Variants in PGPEP1L observed in about 807,000 individuals in gnomAD.
PGPEP1L encodes pyroglutamyl-peptidase I like.
In PGPEP1L, 7 loss-of-function variants were observed where a neutral mutation model predicts 6.0. The ratio of observed to expected loss-of-function variants is 1.17; its 90% confidence interval spans 0.66 to 2.19. PGPEP1L has a LOEUF of 2.19. PGPEP1L is among the 30% of genes most tolerant of loss of function. PGPEP1L has a pLI of 0.00. For missense variants in PGPEP1L, 209 were observed against 192.5 expected, an observed-to-expected ratio of 1.09 and a Z score of -0.51; for synonymous variants, 103 against 83.9, an observed-to-expected ratio of 1.23 and a Z score of -1.24.
At chr15:98,976,040 A>G (rs1231779429) in intron 2 of PGPEP1L, among the ~76,000 whole-genome samples, 1 of 152,226 alleles carries the variant, frequency 6.6e-6, no homozygotes, top group African/African-American at 2.4e-5. Flanking sequence ...GAGAAAGAAC[A>G]TACAGTGATT....
At chr15:98,979,181 G>C (rs2017618947) in intron 2 of PGPEP1L, among the ~76,000 whole-genome samples, 1 of 152,098 alleles carries the variant, frequency 6.6e-6, no homozygotes, top group African/African-American at 2.4e-5. Flanking sequence ...GGAAGGATGT[G>C]ATGGATTTCA....
chr15:98,971,194 TGGGGGGGGGG>T, intron 2 of PGPEP1L, 36 bp from the exon 3 acceptor site: 18 of 585,978 alleles, frequency 3.1e-5, no homozygotes, highest in Non-Finnish European at 4.4e-5. Context: ...CCTCAGTTGA[TGGGGGGGGGG>T]GGGGGGTGGG....
intron 2 of PGPEP1L, among the ~76,000 whole-genome samples, chr15:98,979,679 C>T (rs2151757781): frequency 8.9e-6 from 1 of 112,476 alleles, no homozygotes; most frequent in South Asian, 3.0e-4. Context: ...GAGACAGAGT[C>T]TCACTCTGTC....
At chr15:98,981,289 C>T (rs192606135) in intron 2 of PGPEP1L, among the ~76,000 whole-genome samples, 21 of 151,968 alleles carry the variant, frequency 1.4e-4, no homozygotes, top group African/African-American at 4.8e-4. Flanking sequence ...TCAGGAGATC[C>T]AGACCATCCT....
chr15:98,978,727 T>TATA (rs1555470851), intron 2 of PGPEP1L, among the ~76,000 whole-genome samples: 365 of 24,976 alleles, frequency 0.015, no homozygotes, highest in South Asian at 0.057. Flanking sequence ...TATATATATA[T>TATA]TTTTTTTTTT....
chr15:98,985,636 G>T (rs910479544), intron 2 of PGPEP1L, among the ~76,000 whole-genome samples: 1 of 152,208 alleles, frequency 6.6e-6, no homozygotes, highest in Non-Finnish European at 1.5e-5. Flanking sequence ...GGAGAAGAGC[G>T]CAAGTGGGCT....
chr15:99,001,023 AC>A (rs2017959988), intron 2 of PGPEP1L, among the ~76,000 whole-genome samples: 1 of 152,122 alleles, frequency 6.6e-6, no homozygotes, highest in Non-Finnish European at 1.5e-5. Context: ...TGAACTCCAG[AC>A]ACGCTGCCTT....
intron 2 of PGPEP1L, among the ~76,000 whole-genome samples, chr15:98,991,149 C>T (rs374597296): frequency 6.8e-6 from 1 of 147,500 alleles, no homozygotes; most frequent in African/African-American, 2.5e-5. Context: ...AAAAACCCTT[C>T]AAAAAAAAAA....
chr15:98,982,790 A>T (rs2017686405), intron 2 of PGPEP1L, among the ~76,000 whole-genome samples: 1 of 132,356 alleles, frequency 7.6e-6, no homozygotes, highest in Admixed American at 9.5e-5. Flanking sequence ...GGCTCACTGC[A>T]ACCTCCGCCT....
chr15:98,974,996 T>C (rs1280426214), intron 2 of PGPEP1L, among the ~76,000 whole-genome samples: 1 of 152,246 alleles, frequency 6.6e-6, no homozygotes, highest in East Asian at 1.9e-4. Context: ...GAAATCAGTA[T>C]ATCAGAAAGA....
At position 99,001,436 on chromosome 15, in the gene PGPEP1L, G is replaced by T. The variant is rs141547588; in HGVS notation, c.-142+3993C>A. ...GGGACGTGAGTGGTGAAAGCTAAGGGGTGTGGGGTTTCTTTCTGGGGTGCT... is the reference window on the plus strand; with the variant it reads ...GGGACGTGAGTGGTGAAAGCTAAGGTGTGTGGGGTTTCTTTCTGGGGTGCT... On this transcript the variant is annotated intron_variant, in intron 2 of 4. Coordinates refer to ENST00000535714, the MANE Select transcript of PGPEP1L (RefSeq NM_001167902.2). 1.1e-3 allele frequency among the ~76,000 whole-genome samples: 161 copies of T among 152,240 alleles called. 1 individual carries two copies. The highest frequency in any genetic ancestry group is 1.4e-3 in the Admixed American group (21 of 15,288).
At chr15:98,979,674 A>G (rs1181071058) in intron 2 of PGPEP1L, among the ~76,000 whole-genome samples, 22 of 110,036 alleles carry the variant, frequency 2.0e-4, no homozygotes, top group African/African-American at 6.6e-4. Flanking sequence ...TTTTGGAGAC[A>G]GAGTCTCACT....
chr15:99,002,041 T>G (rs911545666), intron 2 of PGPEP1L, among the ~76,000 whole-genome samples: 22 of 152,244 alleles, frequency 1.4e-4, no homozygotes, highest in African/African-American at 5.3e-4. Context: ...AGACAGGATC[T>G]CACTCTGTCA....
Position 98,968,581 on chromosome 15 carries a change from A to G in PGPEP1L, c.326T>C (p.Leu109Ser). 6.2e-7 allele frequency: 1 copy of G among 1,611,966 alleles called. No individual in the cohort carries two copies. The highest frequency in any genetic ancestry group is 8.5e-7 in the Non-Finnish European group (1 of 1,179,188). The change falls in exon 5 of 5, where the codon TTG (leucine) becomes TCG (serine). Residue 109 changes from leucine to serine, a missense_variant. Leu to Ser is a moderately radical substitution (Grantham distance 145). Transcript: ENST00000535714. ...CAGCATTTCCTGGATGATGACTCTC[A>G]AGGCTCTTCCCAGCAGGCTGGCCGG... The part of the protein sequence containing the change: ...GLPASLLGRA[L>S]RVIIQEMLEE...
chr15:98,976,359 G>A (rs2017569684), intron 2 of PGPEP1L, among the ~76,000 whole-genome samples: 1 of 152,126 alleles, frequency 6.6e-6, no homozygotes, highest in Non-Finnish European at 1.5e-5. Context: ...TTTAGCTCAG[G>A]CTAACATCCC....
At chr15:98,985,879 G>A (rs2017740187) in intron 2 of PGPEP1L, among the ~76,000 whole-genome samples, 1 of 152,228 alleles carries the variant, frequency 6.6e-6, no homozygotes, top group South Asian at 2.1e-4. Flanking sequence ...AGCCTTCATT[G>A]CTGCTTCCAC....
At chr15:98,977,119 CTTTTA>C (rs927059967) in intron 2 of PGPEP1L, among the ~76,000 whole-genome samples, 3 of 151,040 alleles carry the variant, frequency 2.0e-5, no homozygotes, top group African/African-American at 4.9e-5. Context: ...TAGAAATGGT[CTTTTA>C]TTTTTTTTCT....
rs2017433217 is a variant in PGPEP1L at position 98,968,347 on chromosome 15, T to C, written c.*131A>G. On this transcript the variant is annotated 3_prime_UTR_variant, in exon 5 of 5. Coordinates refer to ENST00000535714, the MANE Select transcript of PGPEP1L (RefSeq NM_001167902.2). ...ACAATAAAATAACCCTTTGTGATTTTGTTGGGCTAATTCAGAGTTTTCCAC... is the reference window on the plus strand; with the variant it reads ...ACAATAAAATAACCCTTTGTGATTTCGTTGGGCTAATTCAGAGTTTTCCAC... 1.2e-6 allele frequency: 1 copy of C among 866,148 alleles called. No individual in the cohort carries two copies. Among genetic ancestry groups the C allele is most frequent in the Non-Finnish European group, 1.8e-6 (1 of 558,834 alleles). The allele number at this position is 866,148 out of a possible 1,614,324, so 53.7% of individuals were successfully genotyped here.
intron 2 of PGPEP1L, among the ~76,000 whole-genome samples, chr15:98,974,251 C>T (rs8037581): frequency 0.056 from 8,564 of 152,048 alleles, 810 homozygotes; most frequent in African/African-American, 0.19. Context: ...TGCTGGCGCA[C>T]GCCTGTAATC....
Sources: allele counts gnomAD v4.1 joint callset (sites outside exome capture counted in the v4.1 genomes callset), GRCh38; gene constraint gnomAD v4.1.1; transcripts MANE v1.5; gene names NCBI Gene and HGNC (gene_info 2026-07-23, HGNC 2026-07-21).